Variants in SMIM14 observed in about 807,000 individuals in gnomAD.
SMIM14 encodes the protein small integral membrane protein 14, also known as chromosome 4 open reading frame 34.
In SMIM14, 5 loss-of-function variants were observed where a neutral mutation model predicts 12.6. The observed-to-expected ratio is 0.40, with a 90% CI of 0.21 to 0.83. The LOEUF (loss-of-function observed/expected upper bound fraction) is 0.83. SMIM14 is among the 40% of genes least tolerant of loss of function. The probability of loss-of-function intolerance (pLI) is 0.37; values close to 1 mark genes in which losing one functional copy is unlikely to be tolerated. For missense variants in SMIM14, 86 were observed against 119.1 expected (o/e 0.72, Z 1.29); for synonymous variants, 30 against 40.1 (o/e 0.75, Z 0.95).
At chr4:39,589,933 A>G (rs541967759) in intron 2 of SMIM14, among the ~76,000 whole-genome samples, 1 of 148,894 alleles carries the variant, frequency 6.7e-6, no homozygotes, top group Admixed American at 6.9e-5. Context: ...CCAGATACTC[A>G]GGAGGCTGAG....
chr4:39,595,608 A>ATTTTTTT (rs71192880), intron 2 of SMIM14, among the ~76,000 whole-genome samples: 5 of 135,552 alleles, frequency 3.7e-5, no homozygotes, highest in African/African-American at 1.1e-4. Flanking sequence ...TGTAACTACG[A>ATTTTTTT]TTTTTTTTTT....
chr4:39,553,470 T>A (rs1711840670), intron 4 of SMIM14, among the ~76,000 whole-genome samples: 1 of 152,088 alleles, frequency 6.6e-6, no homozygotes, highest in Admixed American at 6.5e-5. Context: ...ACAAAGAAAG[T>A]AAGAAAGAAG....
intron 2 of SMIM14, chr4:39,589,629 C>A (rs1713955578): frequency 6.6e-6 from 1 of 152,142 alleles, no homozygotes; most frequent in South Asian, 2.1e-4. Flanking sequence ...CAAGTGACAG[C>A]CAGTGAAGCA....
At chr4:39,587,885 C>T (rs1043177368) in intron 2 of SMIM14, 1 of 152,266 alleles carries the variant, frequency 6.6e-6, no homozygotes, top group Non-Finnish European at 1.5e-5. Flanking sequence ...GTTATGACTT[C>T]TTACACTAAG....
intron 3 of SMIM14, among the ~76,000 whole-genome samples, chr4:39,566,994 G>A (rs1483680968): frequency 6.6e-6 from 1 of 151,590 alleles, no homozygotes; most frequent in Non-Finnish European, 1.5e-5. Flanking sequence ...AAATTAGCTG[G>A]GGATGCTGGT....
intron 2 of SMIM14, among the ~76,000 whole-genome samples, chr4:39,602,652 T>C (rs1714662076): frequency 6.6e-6 from 1 of 152,164 alleles, no homozygotes; most frequent in Non-Finnish European, 1.5e-5. Flanking sequence ...ATTCTCTCCT[T>C]AGACTCATCT....
chr4:39,575,641 C>T (rs1320630003), intron 2 of SMIM14, among the ~76,000 whole-genome samples: 2 of 152,084 alleles, frequency 1.3e-5, no homozygotes, highest in African/African-American at 2.4e-5. Context: ...CTAGAATGCA[C>T]TGGCACAATC....
In SMIM14 at chr4:39,584,710, G is replaced by A. The variant is rs571088775; in HGVS notation, c.76-12247C>T. ...ACTTGGGAGGCTGAGGTGGGAGGAC[G>A]GTTTGAACCTAGGAGGCAGAGGTTG... On this transcript the variant is annotated intron_variant, in intron 2 of 4. Transcript: ENST00000295958. Among the ~76,000 whole-genome samples the A allele has an allele frequency of 4.2e-3, 591 of 140,736 alleles. 3 individuals carry two copies. Among genetic ancestry groups the A allele is most frequent in the Non-Finnish European group, 7.3e-3 (479 of 65,792 alleles). 92.3% of individuals were successfully genotyped at this position (140,736 alleles called of 152,430 possible).
intron 1 of SMIM14, chr4:39,638,385 T>C: frequency 1.2e-6 from 1 of 844,792 alleles, no homozygotes; most frequent in Non-Finnish European, 1.4e-6. Flanking sequence ...TGTGAGTTTT[T>C]CCTTCCAGCT....
At chr4:39,586,046 C>A (rs907640406) in intron 2 of SMIM14, among the ~76,000 whole-genome samples, 2 of 152,088 alleles carry the variant, frequency 1.3e-5, no homozygotes, top group African/African-American at 4.8e-5. Context: ...GTCTCCCTCC[C>A]TTTTAGTTCA....
intron 4 of SMIM14, among the ~76,000 whole-genome samples, chr4:39,555,980 T>C (rs1311050819): frequency 2.0e-5 from 3 of 152,050 alleles, no homozygotes; most frequent in Non-Finnish European, 2.9e-5. Context: ...AATTCAAGCC[T>C]GGGCAACCTG....
At chr4:39,637,465 A>G (rs190763796) in intron 1 of SMIM14, among the ~76,000 whole-genome samples, 113 of 152,036 alleles carry the variant, frequency 7.4e-4, no homozygotes, top group African/African-American at 2.4e-3. Context: ...AATAATCTAA[A>G]CTCATAACTC....
At chr4:39,602,028 T>G (rs1348715090) in intron 2 of SMIM14, among the ~76,000 whole-genome samples, 2 of 148,872 alleles carry the variant, frequency 1.3e-5, no homozygotes, top group African/African-American at 5.0e-5. Flanking sequence ...GGTAGGCAGA[T>G]AGTTGAGCTC....
Position 39,611,398 on chromosome 4 carries a change from C to G in SMIM14, c.-35-6218G>C, listed in dbSNP as rs181142282. On this transcript the variant is annotated intron_variant, in intron 1 of 4. Transcript: ENST00000295958. The stretch of plus-strand genomic sequence containing the variant: ...GCAGGTACCCGTAATCCCAGCTACT[C>G]AGGAGGCTGAGGCAGGAGAATTGCT... 1.1e-4 allele frequency among the ~76,000 whole-genome samples: 16 copies of G among 151,942 alleles called. No homozygotes were observed. In the East Asian group the frequency reaches 3.1e-3, roughly 29 times the overall value.
rs1017716841 is a variant in SMIM14 at position 39,597,917 on chromosome 4, A to G, written c.75+7154T>C. On this transcript the variant is annotated intron_variant, in intron 2 of 4. Coordinates refer to ENST00000295958, the MANE Select transcript of SMIM14 (RefSeq NM_174921.3). ...ATCAAGGAAGTATGCAGGCAGGCTA[A>G]AGAGCCTCTTAACTCTCAAAATAGG... is the stretch of plus-strand genomic sequence containing the variant. Among the ~76,000 whole-genome samples the G allele has an allele frequency of 3.3e-5, 5 of 152,182 alleles. No homozygotes were observed. The East Asian group carries it at 5.8e-4, about 18-fold the overall frequency.
At chr4:39,636,296 T>A (rs564572171) in intron 1 of SMIM14, among the ~76,000 whole-genome samples, 8 of 150,842 alleles carry the variant, frequency 5.3e-5, no homozygotes, top group African/African-American at 9.7e-5. Flanking sequence ...GGAACAGAAC[T>A]AAATCTTTAC....
chr4:39,571,504 T>A lies in SMIM14; in HGVS notation c.124+911A>T, dbSNP rs545495487. Among the ~76,000 whole-genome samples, 45 of 151,912 alleles carry A rather than the reference T, an allele frequency of 3.0e-4. No individual in the cohort carries two copies. The East Asian group carries it at 8.5e-3, about 29-fold the overall frequency. On this transcript the variant is annotated intron_variant, in intron 3 of 4. Transcript: ENST00000295958. Reference sequence around the variant, plus strand: ...CTGAGGTGGGAGGATCACTTGAGCCTGGGAGGTCAAGGCTGCAGTGAGCCA... The same window carrying A: ...CTGAGGTGGGAGGATCACTTGAGCCAGGGAGGTCAAGGCTGCAGTGAGCCA...
chr4:39,618,577 G>A (rs1156932189), intron 1 of SMIM14, among the ~76,000 whole-genome samples: 3 of 147,612 alleles, frequency 2.0e-5, no homozygotes, highest in Non-Finnish European at 4.4e-5. Context: ...TTGAACCCAG[G>A]AGGCAGAGGT....
chr4:39,598,034 G>C (rs1183774491), intron 2 of SMIM14, among the ~76,000 whole-genome samples: 1 of 152,132 alleles, frequency 6.6e-6, no homozygotes, highest in East Asian at 1.9e-4. Context: ...CCACTATAGA[G>C]TTCAGGGTTT....
Sources: gnomAD v4.1 joint callset for allele counts (sites outside exome capture counted in the v4.1 genomes callset) on GRCh38, gnomAD v4.1.1 for gene constraint, MANE v1.5 for transcripts, NCBI Gene and HGNC (gene_info 2026-07-23, HGNC 2026-07-21) for gene names.